The following KCNK9 variants were observed in gnomAD, a reference collection of about 807,000 sequenced individuals.
The protein encoded by KCNK9 is potassium channel subfamily K member 9.
Under a neutral mutation model 10.8 loss-of-function variants are expected in KCNK9, and 1 was observed. The observed-to-expected ratio is 0.09, with a 90% CI of 0.03 to 0.44. The LOEUF is 0.44. Among genes scored for constraint, KCNK9 ranks in the 20% least tolerant of loss-of-function variants. KCNK9 has a pLI of 0.97. For synonymous variants in KCNK9, 231 were observed against 222.7 expected (o/e 1.04, Z -0.33); for missense variants, 303 against 515.0 (o/e 0.59, Z 3.98).
chr8:139,620,467 G>A (rs1248781896), intron 1 of KCNK9, among the ~76,000 whole-genome samples: 1 of 152,122 alleles, frequency 6.6e-6, no homozygotes, highest in Admixed American at 6.5e-5. Context: ...TCCGAGCCAA[G>A]AGTCTGATAC....
chr8:139,660,685 T>C (rs1816131543), intron 1 of KCNK9, among the ~76,000 whole-genome samples: 1 of 152,050 alleles, frequency 6.6e-6, no homozygotes, highest in African/African-American at 2.4e-5. Flanking sequence ...TTTCATTGAG[T>C]CAATAAGCAT....
intron 1 of KCNK9, among the ~76,000 whole-genome samples, chr8:139,701,095 C>T (rs770998988): frequency 3.9e-5 from 6 of 152,188 alleles, no homozygotes; most frequent in Non-Finnish European, 8.8e-5. Flanking sequence ...AGCAAACAGG[C>T]CCCTGTCTCC....
chr8:139,611,927 C>G (rs574923278), downstream of KCNK9: 12 of 152,234 alleles, frequency 7.9e-5, no homozygotes, highest in African/African-American at 2.2e-4. Flanking sequence ...TGCCTTTATT[C>G]TCGCGATGGT....
intron 1 of KCNK9, among the ~76,000 whole-genome samples, chr8:139,629,340 C>T (rs1258468982): frequency 1.3e-5 from 2 of 152,244 alleles, no homozygotes; most frequent in Non-Finnish European, 2.9e-5. Context: ...CATACCCAAA[C>T]ACCAAAGAAA....
At position 139,627,836 on chromosome 8, in the gene KCNK9, G is replaced by A. The variant is rs537123888; in HGVS notation, c.284-8737C>T. 2.0e-4 allele frequency among the ~76,000 whole-genome samples: 30 copies of A among 152,358 alleles called. No homozygotes were observed. The East Asian group carries it at 4.3e-3, about 22-fold the overall frequency. ...ACCTCTGATATGTATGTCCTGGGGA[G>A]AGGGGCTGGAAGGTAACAGGGCTGT... On this transcript the variant is annotated intron_variant, in intron 1 of 1. Transcript: ENST00000520439.
intron 1 of KCNK9, among the ~76,000 whole-genome samples, chr8:139,679,500 A>G (rs540883512): frequency 9.2e-5 from 14 of 152,344 alleles, no homozygotes; most frequent in African/African-American, 3.4e-4. Flanking sequence ...TCTAGCGATC[A>G]TTCAGCCCAG....
chr8:139,640,578 C>G (rs552037703), intron 1 of KCNK9, among the ~76,000 whole-genome samples: 92 of 152,308 alleles, frequency 6.0e-4, no homozygotes, highest in African/African-American at 2.1e-3. Context: ...TTTGATGTGT[C>G]CCAGTCACAT....
downstream of KCNK9, chr8:139,617,117 G>T (rs564499814): frequency 6.6e-6 from 1 of 152,258 alleles, no homozygotes; most frequent in Non-Finnish European, 1.5e-5. Flanking sequence ...AATTAGAGAC[G>T]ATATTTCTTG....
Position 139,619,861 on chromosome 8 carries a change from A to G in KCNK9, c.284-762T>C, listed in dbSNP as rs575759220. 2.0e-5 allele frequency among the ~76,000 whole-genome samples: 3 copies of G among 152,334 alleles called. No homozygotes were observed. In the South Asian group the frequency reaches 6.2e-4, roughly 32 times the overall value. ...TTTGTTCGCTGCTGTATTCCCCCATACCTAGAAAGTAAAATATTTATTTAA... is the reference window on the plus strand; with the variant it reads ...TTTGTTCGCTGCTGTATTCCCCCATGCCTAGAAAGTAAAATATTTATTTAA... On this transcript the variant is annotated intron_variant, in intron 1 of 1. Coordinates refer to ENST00000520439, the MANE Select transcript of KCNK9 (RefSeq NM_001282534.2).
intron 1 of KCNK9, among the ~76,000 whole-genome samples, chr8:139,644,964 G>A (rs1815630546): frequency 6.6e-6 from 1 of 152,218 alleles, no homozygotes; most frequent in Non-Finnish European, 1.5e-5. Flanking sequence ...ACAGACATGG[G>A]CTAGCCAACC....
downstream of KCNK9, among the ~76,000 whole-genome samples, chr8:139,609,727 A>C (rs562056774): frequency 9.2e-5 from 14 of 152,272 alleles, no homozygotes; most frequent in African/African-American, 3.1e-4. Flanking sequence ...TTAATTAAGG[A>C]TCCATATGTC....
intron 1 of KCNK9, among the ~76,000 whole-genome samples, chr8:139,636,188 A>G (rs148253035): frequency 1.8e-3 from 269 of 152,336 alleles, no homozygotes; most frequent in African/African-American, 6.1e-3. Flanking sequence ...TCTTCTTCTC[A>G]TGTCATGCCC....
chr8:139,645,547 T>A (rs1003821237), intron 1 of KCNK9, among the ~76,000 whole-genome samples: 5 of 152,138 alleles, frequency 3.3e-5, no homozygotes, highest in African/African-American at 1.2e-4. Context: ...CAGAAAGGTC[T>A]ACAAGACAAG....
intron 1 of KCNK9, among the ~76,000 whole-genome samples, chr8:139,626,824 T>C (rs1814993247): frequency 6.6e-6 from 1 of 152,198 alleles, no homozygotes; most frequent in South Asian, 2.1e-4. Flanking sequence ...ACAAATTCCA[T>C]TAAAGAATGA....
chr8:139,623,251 C>T (rs1219929244), intron 1 of KCNK9, among the ~76,000 whole-genome samples: 2 of 152,214 alleles, frequency 1.3e-5, no homozygotes, highest in African/African-American at 4.8e-5. Flanking sequence ...TGTGACAGCT[C>T]AAGTCCTGAG....
chr8:139,640,241 C>T (rs1034232723), intron 1 of KCNK9, among the ~76,000 whole-genome samples: 6 of 152,230 alleles, frequency 3.9e-5, no homozygotes, highest in African/African-American at 7.2e-5. Flanking sequence ...TGTAAAGCAT[C>T]CCAGCTCTGG....
At chr8:139,609,753 T>C (rs1814361944), downstream of KCNK9, among the ~76,000 whole-genome samples, 1 of 152,022 alleles carries the variant, frequency 6.6e-6, no homozygotes, top group Non-Finnish European at 1.5e-5. Flanking sequence ...AACTAAAGCA[T>C]CTGAGAGTCA....
At chr8:139,607,312 C>T (rs1814252355) in intron 2 of KCNK9, among the ~76,000 whole-genome samples, 1 of 152,220 alleles carries the variant, frequency 6.6e-6, no homozygotes, top group Admixed American at 6.5e-5. Context: ...TCCCATGAAG[C>T]CAAGGACTTG....
chr8:139,605,290 T>G (rs557318656), intron 2 of KCNK9, among the ~76,000 whole-genome samples: 3 of 152,372 alleles, frequency 2.0e-5, no homozygotes, highest in South Asian at 4.1e-4. Flanking sequence ...TTGGTTTGGT[T>G]TGGTTTGCTT....
Sources: allele counts gnomAD v4.1 joint callset (sites outside exome capture counted in the v4.1 genomes callset), GRCh38; gene constraint gnomAD v4.1.1; transcripts MANE v1.5; gene names NCBI Gene and HGNC (gene_info 2026-07-23, HGNC 2026-07-21).